CNNM2: variants seen among roughly 807,000 people sequenced by gnomAD.
CNNM2 encodes cyclin and CBS domain divalent metal cation transport mediator 2.
A neutral mutation model predicts 66.9 loss-of-function variants in CNNM2; 12 were observed. That is an observed-to-expected ratio of 0.18 (90% confidence interval 0.11 to 0.29). CNNM2 has a LOEUF of 0.29. Among genes scored for constraint, CNNM2 ranks in the 10% least tolerant of loss-of-function variants. The pLI is 1.00. For missense variants in CNNM2, 705 were observed against 1,167.7 expected (o/e 0.60, Z 5.77); for synonymous variants, 557 against 501.8 (o/e 1.11, Z -1.47).
chr10:102,991,015 C>T (rs1323584103), intron 1 of CNNM2, among the ~76,000 whole-genome samples: 1 of 152,136 alleles, frequency 6.6e-6, no homozygotes. Context: ...TTGAGACATT[C>T]TTGCTCTGTT....
chr10:103,085,790 A>AT lies in CNNM2; in HGVS notation c.*8611dup. ...AAGCTCTACAGAGAAACTTCTGTAT[A>AT]TATTTTATTTTTGAGATCACATACC... On this transcript the variant is annotated 3_prime_UTR_variant, in exon 8 of 8. Transcript: ENST00000369878. 2 of 152,298 alleles carry AT rather than the reference A, an allele frequency of 1.3e-5. No homozygotes were observed. Among genetic ancestry groups the AT allele is most frequent in the Middle Eastern group, 6.8e-3 (2 of 292 alleles). 9.4% of individuals were successfully genotyped at this position (152,298 alleles called of 1,614,324 possible). A position where few individuals can be genotyped will look rare whatever the true frequency, so the allele number is the denominator to read the frequency against.
Position 103,089,503 on chromosome 10 carries a change from C to T in CNNM2, c.*12323C>T, listed in dbSNP as rs1228825130. 7 of 1,295,858 alleles carry T rather than the reference C, an allele frequency of 5.4e-6. No individual in the cohort carries two copies. The highest frequency in any genetic ancestry group is 7.1e-6 in the Non-Finnish European group (7 of 979,740). The allele number at this position is 1,295,858 out of a possible 1,614,324, so 80.3% of individuals were successfully genotyped here. A position where few individuals can be genotyped will look rare whatever the true frequency, so the allele number is the denominator to read the frequency against. ...ACCATCTGCAGAGAGTACAGATACACAAAACCAAAACAAGTATCTATGATA... is the reference window on the plus strand; with the variant it reads ...ACCATCTGCAGAGAGTACAGATACATAAAACCAAAACAAGTATCTATGATA... On this transcript the variant is annotated 3_prime_UTR_variant, in exon 8 of 8. Transcript: ENST00000369878.
chr10:102,927,925 A>G (rs140740166), intron 1 of CNNM2, among the ~76,000 whole-genome samples: 26 of 152,250 alleles, frequency 1.7e-4, no homozygotes, highest in Non-Finnish European at 2.6e-4. Flanking sequence ...GTGTCATCCT[A>G]TTTAACCCTC....
chr10:103,009,665 C>T (rs1157222645), intron 1 of CNNM2, among the ~76,000 whole-genome samples: 1 of 128,270 alleles, frequency 7.8e-6, no homozygotes, highest in African/African-American at 3.0e-5. Flanking sequence ...ACATTCTAGC[C>T]TGAGTCTCCA....
In CNNM2 at chr10:103,020,523, G is replaced by T. The variant is rs553804953; in HGVS notation, c.1622-29184G>T. ...ATTTAATCAGTATTTTCCATGGGTTGATAATTGTTTTAAGCTTTGGGAATA... is the reference window on the plus strand; with the variant it reads ...ATTTAATCAGTATTTTCCATGGGTTTATAATTGTTTTAAGCTTTGGGAATA... On this transcript the variant is annotated intron_variant, in intron 1 of 7. Coordinates refer to ENST00000369878, the MANE Select transcript of CNNM2 (RefSeq NM_017649.5). Among the ~76,000 whole-genome samples, 5 of 152,250 alleles carry T rather than the reference G, an allele frequency of 3.3e-5. No homozygotes were observed. The East Asian group carries it at 9.6e-4, about 29-fold the overall frequency.
chr10:103,065,434 G>A (rs952168870), intron 4 of CNNM2, among the ~76,000 whole-genome samples: 38 of 152,160 alleles, frequency 2.5e-4, no homozygotes, highest in African/African-American at 8.7e-4. Flanking sequence ...TGGAACCACC[G>A]CACGCTTCCA....
At chr10:102,999,866 G>C (rs1394549242) in intron 1 of CNNM2, among the ~76,000 whole-genome samples, 1 of 152,154 alleles carries the variant, frequency 6.6e-6, no homozygotes, top group African/African-American at 2.4e-5. Flanking sequence ...GATGACTACT[G>C]TCAAAAAAAC....
At chr10:103,050,558 T>C (rs1396324202) in intron 2 of CNNM2, among the ~76,000 whole-genome samples, 1 of 148,508 alleles carries the variant, frequency 6.7e-6, no homozygotes, top group African/African-American at 2.5e-5. Flanking sequence ...AAAAAGTGAA[T>C]GGGATTTGTT....
At chr10:103,036,616 C>G (rs1311117333) in intron 1 of CNNM2, among the ~76,000 whole-genome samples, 1 of 152,176 alleles carries the variant, frequency 6.6e-6, no homozygotes, top group Non-Finnish European at 1.5e-5. Context: ...CTCCAAAAAC[C>G]GTTTCTCTCT....
intron 1 of CNNM2, among the ~76,000 whole-genome samples, chr10:102,935,980 A>G (rs1223723294): frequency 6.7e-6 from 1 of 149,160 alleles, no homozygotes; most frequent in Non-Finnish European, 1.5e-5. Context: ...ATGAAACTCT[A>G]TGGTGTTTTT....
At chr10:103,039,631 A>C (rs2065004525) in intron 1 of CNNM2, among the ~76,000 whole-genome samples, 1 of 152,210 alleles carries the variant, frequency 6.6e-6, no homozygotes, top group South Asian at 2.1e-4. Flanking sequence ...AATACTATTA[A>C]GAGTAATGTG....
At chr10:102,950,981 C>CTTTTTTTTTTT (rs34870588) in intron 1 of CNNM2, among the ~76,000 whole-genome samples, 9 of 80,456 alleles carry the variant, frequency 1.1e-4, no homozygotes, top group South Asian at 4.8e-4. Flanking sequence ...CTTTCTTTCT[C>CTTTTTTTTTTT]TTTTTTTTTT....
At chr10:103,056,205 T>G (rs997765331) in intron 3 of CNNM2, among the ~76,000 whole-genome samples, 5 of 152,230 alleles carry the variant, frequency 3.3e-5, no homozygotes. Context: ...GTAATTTTTG[T>G]TTTTGTTATT....
chr10:102,986,564 C>T (rs530646641), intron 1 of CNNM2, among the ~76,000 whole-genome samples: 12 of 151,888 alleles, frequency 7.9e-5, no homozygotes, highest in African/African-American at 2.7e-4. Flanking sequence ...GGGCGGATCA[C>T]GAGGTCAAGA....
intron 1 of CNNM2, among the ~76,000 whole-genome samples, chr10:103,032,596 G>A (rs2064848355): frequency 6.6e-6 from 1 of 151,030 alleles, no homozygotes; most frequent in African/African-American, 2.4e-5. Context: ...ATACAAATGG[G>A]AACATACTAT....
intron 1 of CNNM2, among the ~76,000 whole-genome samples, chr10:103,030,720 A>C (rs907260710): frequency 6.6e-6 from 1 of 152,178 alleles, no homozygotes; most frequent in East Asian, 1.9e-4. Context: ...CAGGGGGGGA[A>C]GTCGATATTT....
At chr10:102,954,224 C>G (rs1023522478) in intron 1 of CNNM2, among the ~76,000 whole-genome samples, 11 of 150,316 alleles carry the variant, frequency 7.3e-5, no homozygotes, top group African/African-American at 2.5e-4. Flanking sequence ...ACCTCCTGGG[C>G]TCAAGCAATC....
intron 1 of CNNM2, among the ~76,000 whole-genome samples, chr10:102,973,357 G>T (rs1244728314): frequency 6.6e-6 from 1 of 151,922 alleles, no homozygotes; most frequent in Non-Finnish European, 1.5e-5. Flanking sequence ...GCTCATTGGA[G>T]CCTCAGCCTC....
In CNNM2 at chr10:102,961,020, G is replaced by A. The variant is rs547668337; in HGVS notation, c.1621+40919G>A. Among the ~76,000 whole-genome samples, 12 of 151,966 alleles carry A rather than the reference G, an allele frequency of 7.9e-5. No homozygotes were observed. In the South Asian group the frequency reaches 2.3e-3, roughly 29 times the overall value. On this transcript the variant is annotated intron_variant, in intron 1 of 7. Transcript: ENST00000369878. ...AGCCTCCCAAGTAGCTGGGATTACAGGCACGCACCACCACACCTAGCTAAT... is the reference window on the plus strand; with the variant it reads ...AGCCTCCCAAGTAGCTGGGATTACAAGCACGCACCACCACACCTAGCTAAT...
Sources: allele counts gnomAD v4.1 joint callset (sites outside exome capture counted in the v4.1 genomes callset), GRCh38; gene constraint gnomAD v4.1.1; transcripts MANE v1.5; gene names NCBI Gene and HGNC (gene_info 2026-07-23, HGNC 2026-07-21).